LCLAT1: variants seen among roughly 807,000 people sequenced by gnomAD.
The protein encoded by LCLAT1 is 1-AGP acyltransferase 8.
A neutral mutation model predicts 30.7 loss-of-function variants in LCLAT1; 11 were observed. That is an observed-to-expected ratio of 0.36 (90% CI 0.23 to 0.59). LCLAT1 has a LOEUF of 0.59. Among genes scored for constraint, LCLAT1 ranks in the 20% least tolerant of loss-of-function variants. The pLI, the probability that LCLAT1 is intolerant of heterozygous loss-of-function variation, is 0.77. For synonymous variants in LCLAT1, 155 were observed against 151.3 expected (o/e 1.02, Z -0.18); for missense variants, 402 against 458.6 (o/e 0.88, Z 1.13).
At chr2:30,537,877 G>T (rs1663869240) in intron 3 of LCLAT1, among the ~76,000 whole-genome samples, 1 of 152,124 alleles carries the variant, frequency 6.6e-6, no homozygotes, top group Admixed American at 6.6e-5. Context: ...ATTATGTTAA[G>T]TATCCTGTCA....
intron 5 of LCLAT1, among the ~76,000 whole-genome samples, chr2:30,635,764 T>C (rs1341433164): frequency 6.6e-6 from 1 of 152,214 alleles, no homozygotes; most frequent in African/African-American, 2.4e-5. Flanking sequence ...TGCCAAGTAC[T>C]GTCCAAAGAG....
chr2:30,599,609 C>CTTGT (rs1273714645), intron 5 of LCLAT1, among the ~76,000 whole-genome samples: 1 of 152,146 alleles, frequency 6.6e-6, no homozygotes, highest in Non-Finnish European at 1.5e-5. Context: ...TCTCTAAGAC[C>CTTGT]TTGTTTTATG....
At chr2:30,477,585 C>G (rs1489508423) in intron 1 of LCLAT1, among the ~76,000 whole-genome samples, 2 of 152,180 alleles carry the variant, frequency 1.3e-5, no homozygotes, top group Non-Finnish European at 2.9e-5. Flanking sequence ...CTGAGCACCC[C>G]TTAGGCTTCA....
rs1300513787 is a variant in LCLAT1 at position 30,572,384 on chromosome 2, A to G, written c.628+4208A>G. Reference sequence around the variant, plus strand: ...CGTTTCTTTACCTTGCCCATGCAGTAGAATCAACCATAGAGCTTTTTAAAA... The same window carrying G: ...CGTTTCTTTACCTTGCCCATGCAGTGGAATCAACCATAGAGCTTTTTAAAA... On this transcript the variant is annotated intron_variant, in intron 5 of 5. Transcript: ENST00000379509. Among the ~76,000 whole-genome samples the G allele has an allele frequency of 3.9e-5, 6 of 152,378 alleles. No homozygotes were observed. In the East Asian group the frequency reaches 1.2e-3, roughly 29 times the overall value.
chr2:30,458,223 CAGTT>C (rs1424157695), intron 1 of LCLAT1, among the ~76,000 whole-genome samples: 1 of 152,164 alleles, frequency 6.6e-6, no homozygotes, highest in Non-Finnish European at 1.5e-5. Flanking sequence ...ATATGGTGAG[CAGTT>C]AGTTAGAATA....
intron 5 of LCLAT1, among the ~76,000 whole-genome samples, chr2:30,595,378 C>T (rs984048062): frequency 5.3e-5 from 8 of 152,040 alleles, no homozygotes; most frequent in Non-Finnish European, 8.8e-5. Flanking sequence ...TCACTAATGT[C>T]TTGAGTGTAA....
At chr2:30,507,944 C>T (rs7599795) in intron 1 of LCLAT1, among the ~76,000 whole-genome samples, 4 of 152,258 alleles carry the variant, frequency 2.6e-5, no homozygotes, top group African/African-American at 7.2e-5. Context: ...TCTGCAACCT[C>T]GTCAGCACCT....
intron 5 of LCLAT1, among the ~76,000 whole-genome samples, chr2:30,639,693 T>C (rs1264590863): frequency 6.6e-6 from 1 of 152,190 alleles, no homozygotes; most frequent in East Asian, 1.9e-4. Context: ...GTAGCTATCG[T>C]GGTAACATTG....
intron 5 of LCLAT1, among the ~76,000 whole-genome samples, chr2:30,578,500 A>G (rs903449278): frequency 6.6e-6 from 1 of 152,106 alleles, no homozygotes; most frequent in Non-Finnish European, 1.5e-5. Context: ...TCTTTCCTGT[A>G]TTTTTCTCAT....
intron 1 of LCLAT1, among the ~76,000 whole-genome samples, chr2:30,468,443 G>A (rs1471779711): frequency 1.3e-5 from 2 of 152,008 alleles, no homozygotes; most frequent in African/African-American, 4.8e-5. Flanking sequence ...AAAATTAATT[G>A]AAATTTCCAT....
intron 3 of LCLAT1, among the ~76,000 whole-genome samples, chr2:30,534,274 T>TGTGTGTGTGTGTG (rs1686131474): frequency 9.4e-6 from 1 of 106,668 alleles, no homozygotes; most frequent in Non-Finnish European, 2.0e-5. Flanking sequence ...TGTGTGTGTG[T>TGTGTGTGTGTGTG]TTGGGAGACG....
chr2:30,454,237 A>G (rs564842836), intron 1 of LCLAT1, among the ~76,000 whole-genome samples: 8 of 152,058 alleles, frequency 5.3e-5, no homozygotes, highest in African/African-American at 1.9e-4. Context: ...TTCCCCTTTC[A>G]TGTGTTATAA....
At chr2:30,457,953 C>T (rs1053948190) in intron 1 of LCLAT1, among the ~76,000 whole-genome samples, 5 of 151,802 alleles carry the variant, frequency 3.3e-5, no homozygotes, top group Non-Finnish European at 5.9e-5. Flanking sequence ...CATAGTACCT[C>T]GTATAACATA....
chr2:30,517,257 A>G (rs973100428), intron 1 of LCLAT1, among the ~76,000 whole-genome samples: 4 of 152,066 alleles, frequency 2.6e-5, no homozygotes, highest in Admixed American at 2.0e-4. Flanking sequence ...AAAGGGATCT[A>G]GAGAAGCTCT....
intron 5 of LCLAT1, among the ~76,000 whole-genome samples, chr2:30,609,679 A>AC (rs1352144102): frequency 1.3e-5 from 2 of 152,114 alleles, no homozygotes; most frequent in African/African-American, 4.8e-5. Flanking sequence ...CTGTTTAGGC[A>AC]TTTCAGCCCA....
intron 1 of LCLAT1, among the ~76,000 whole-genome samples, chr2:30,496,996 A>G (rs771007328): frequency 6.6e-6 from 1 of 152,228 alleles, no homozygotes; most frequent in Non-Finnish European, 1.5e-5. Flanking sequence ...CAATGTCAGT[A>G]TTTACTTATT....
At chr2:30,568,322 T>C in intron 5 of LCLAT1, 146 bp downstream of exon 5, 1 of 519,696 alleles carries the variant, frequency 1.9e-6, no homozygotes, top group Non-Finnish European at 3.4e-6. Context: ...AGTTGGCCTA[T>C]GTACTAAAAT....
chr2:30,593,100 T>C (rs1470638726), intron 5 of LCLAT1, among the ~76,000 whole-genome samples: 1 of 152,142 alleles, frequency 6.6e-6, no homozygotes, highest in East Asian at 1.9e-4. Flanking sequence ...GTAACCATAA[T>C]TCTGCTCTCT....
At chr2:30,534,535 C>T (rs1209552404) in intron 3 of LCLAT1, among the ~76,000 whole-genome samples, 1 of 152,202 alleles carries the variant, frequency 6.6e-6, no homozygotes, top group Non-Finnish European at 1.5e-5. Flanking sequence ...GCGTTGGCCT[C>T]CCAAAGTGCT....
Sources: gnomAD v4.1 joint callset for allele counts (sites outside exome capture counted in the v4.1 genomes callset) on GRCh38, gnomAD v4.1.1 for gene constraint, MANE v1.5 for transcripts, NCBI Gene and HGNC (gene_info 2026-07-23, HGNC 2026-07-21) for gene names.